Variants in TICAM1 observed in about 807,000 individuals in gnomAD.
The protein encoded by TICAM1 is TIR domain containing adaptor molecule 1.
For missense variants in TICAM1, 895 were observed against 938.2 expected, an observed-to-expected ratio of 0.95 and a Z score of 0.60; for synonymous variants, 439 against 415.4, an observed-to-expected ratio of 1.06 and a Z score of -0.69.
Position 4,817,336 on chromosome 19 carries a change from G to C in TICAM1, c.1042C>G (p.Pro348Ala), listed in dbSNP as rs763009126. ...GGGGTGGTGGGAGTAGGTGGGCACG[G>C]CTTGGTATTTGGAGAGGTGGTATCT... Reference protein sequence around the residue: ...VEDTTSPNTKPCPPTPTTPET... With the variant: ...VEDTTSPNTKACPPTPTTPET... Residue 348 changes from proline (P) to alanine (A), a missense_variant, in exon 2 of 2, where the codon CCG becomes GCG. Pro to Ala is a conservative substitution (Grantham distance 27). Coordinates refer to ENST00000248244, the MANE Select transcript of TICAM1 (RefSeq NM_182919.4). The surrounding 1 kb of genome is among the most constrained non-coding windows in gnomAD (Gnocchi z 4.7). 1.2e-6 allele frequency: 2 copies of C among 1,613,720 alleles called. No individual in the cohort carries two copies. Among genetic ancestry groups the C allele is most frequent in the Non-Finnish European group, 1.7e-6 (2 of 1,180,024 alleles).
intron 1 of TICAM1, among the ~76,000 whole-genome samples, chr19:4,825,470 C>T (rs1383616260): frequency 6.6e-6 from 1 of 152,012 alleles, no homozygotes; most frequent in Non-Finnish European, 1.5e-5. Context: ...ATCCTCCCAC[C>T]TTGGCCTCCC....
Position 4,816,175 on chromosome 19 carries a change from A to G in TICAM1, c.*64T>C. 14 of 1,452,242 alleles carry G rather than the reference A, an allele frequency of 9.6e-6. No homozygotes were observed. Among genetic ancestry groups the G allele is most frequent in the East Asian group, 7.2e-5 (3 of 41,438 alleles). The allele number at this position is 1,452,242 out of a possible 1,614,324, so 90.0% of individuals were successfully genotyped here. ...GGCACAGGGCAGACCGGGGTGCTCT[A>G]TGGGGTCCTGGCCGATGCCTGGGTC... On this transcript the variant is annotated 3_prime_UTR_variant, in exon 2 of 2. Coordinates refer to ENST00000248244, the MANE Select transcript of TICAM1 (RefSeq NM_182919.4). The surrounding 1 kb of genome is among the most constrained non-coding windows in gnomAD (Gnocchi z 4.3).
intron 1 of TICAM1, among the ~76,000 whole-genome samples, chr19:4,821,836 G>A (rs1325403435): frequency 6.6e-6 from 1 of 151,712 alleles, no homozygotes; most frequent in Non-Finnish European, 1.5e-5. Context: ...TAGAGACGGG[G>A]TTTCTCCATG....
At chr19:4,828,118 T>C (rs1336388909) in intron 1 of TICAM1, among the ~76,000 whole-genome samples, 1 of 144,844 alleles carries the variant, frequency 6.9e-6, no homozygotes, top group Non-Finnish European at 1.5e-5. Flanking sequence ...CTTTTTTGTT[T>C]TTTTTATTTT....
intron 1 of TICAM1, among the ~76,000 whole-genome samples, chr19:4,823,098 T>C (rs1019554039): frequency 3.3e-5 from 5 of 152,140 alleles, no homozygotes; most frequent in African/African-American, 9.6e-5. Flanking sequence ...GGTGAGCTGA[T>C]CACTTGAGAT....
chr19:4,822,015 A>G (rs2093598408), intron 1 of TICAM1, among the ~76,000 whole-genome samples: 1 of 151,434 alleles, frequency 6.6e-6, no homozygotes, highest in African/African-American at 2.4e-5. Context: ...AGCTCACCGT[A>G]ACCTCCACCT....
Position 4,818,175 on chromosome 19 carries a change from G to A in TICAM1, c.203C>T (p.Ala68Val), listed in dbSNP as rs769794539. Residue 68 changes from alanine to valine, a missense_variant, in exon 2 of 2, where the codon GCG becomes GTG. By Grantham distance (64) the Ala-to-Val change is moderately conservative (BLOSUM62 0). Transcript: ENST00000248244. The surrounding 1 kb of genome is among the most constrained non-coding windows in gnomAD (Gnocchi z 4.0). ...RISLEALKAD[A>V]VARLVARQWA... ...CTGGCGGGCCACCAGCCGGGCCACC[G>A]CATCGGCCTTCAATGCCTCTAGAGA... is the stretch of plus-strand genomic sequence containing the variant. The A allele has an allele frequency of 3.7e-6, 6 of 1,609,850 alleles. No homozygotes were observed. The South Asian group carries it at 4.4e-5, about 12-fold the overall frequency.
At position 4,817,485 on chromosome 19, in the gene TICAM1, G is replaced by A. The variant is rs1237024981; in HGVS notation, c.893C>T (p.Thr298Ile). 1.2e-6 allele frequency: 2 copies of A among 1,613,968 alleles called. No homozygotes were observed. Among genetic ancestry groups the A allele is most frequent in the Non-Finnish European group, 8.5e-7 (1 of 1,180,010 alleles). Residue 298 changes from threonine (T) to isoleucine (I), a missense_variant, in exon 2 of 2, where the codon ACC becomes ATC. Thr to Ile is a moderately conservative substitution (Grantham distance 89). Coordinates refer to ENST00000248244, the MANE Select transcript of TICAM1 (RefSeq NM_182919.4). This position sits in a 1 kb window ranked among gnomAD's most constrained non-coding sequence, Gnocchi z 4.7. The part of the protein sequence containing the change: ...PDTPAAPETS[T>I]NYPVECTEGS... ...CTCGGTGCACTCCACTGGGTAGTTG[G>A]TGCTGGTTTCTGGAGCTGCGGGGGT...
chr19:4,827,405 A>G (rs1379518807), intron 1 of TICAM1, among the ~76,000 whole-genome samples: 37 of 129,996 alleles, frequency 2.8e-4, no homozygotes, highest in African/African-American at 9.9e-4. Flanking sequence ...AAAAAAAAAG[A>G]AAAAGGCCAG....
chr19:4,817,474 C>G lies in TICAM1; in HGVS notation c.904G>C (p.Val302Leu), dbSNP rs2093588717. 4 of 1,614,068 alleles carry G rather than the reference C, an allele frequency of 2.5e-6. No individual in the cohort carries two copies. The highest frequency in any genetic ancestry group is 1.1e-5 in the South Asian group (1 of 91,076). The part of the protein sequence containing the change: ...AAPETSTNYP[V>L]ECTEGSAGPQ... ...CCTGCAGACCCCTCGGTGCACTCCA[C>G]TGGGTAGTTGGTGCTGGTTTCTGGA... The change falls in exon 2 of 2, where the codon GTG becomes CTG. Residue 302 changes from valine (V) to leucine (L), a missense_variant. Val to Leu is a conservative substitution (Grantham distance 32). Transcript: ENST00000248244. The surrounding 1 kb of genome is among the most constrained non-coding windows in gnomAD (Gnocchi z 4.7).
chr19:4,816,081 GT>G lies in TICAM1; in HGVS notation c.*157del, dbSNP rs2093584196. The G allele has an allele frequency of 1.7e-6, 2 of 1,179,050 alleles. No individual in the cohort carries two copies. Among genetic ancestry groups the G allele is most frequent in the African/African-American group, 3.2e-5 (2 of 63,398 alleles). The allele number at this position is 1,179,050 out of a possible 1,614,324, so 73.0% of individuals were successfully genotyped here. Reference sequence around the variant, plus strand: ...GCCAGGGCATCATCGCGCCCGTTTTGTCCTAAATGAAGGGCTCCCGGACAAT... The same window carrying G: ...GCCAGGGCATCATCGCGCCCGTTTTGCCTAAATGAAGGGCTCCCGGACAAT... On this transcript the variant is annotated 3_prime_UTR_variant, in exon 2 of 2. Coordinates refer to ENST00000248244, the MANE Select transcript of TICAM1 (RefSeq NM_182919.4). The surrounding 1 kb of genome is among the most constrained non-coding windows in gnomAD (Gnocchi z 4.3).
rs1328085331 is a variant in TICAM1, at chr19:4,818,027, G to A, written c.351C>T (p.Ala117=). 1 of 1,610,654 alleles carries A rather than the reference G, an allele frequency of 6.2e-7. No individual in the cohort carries two copies. Among genetic ancestry groups the A allele is most frequent in the South Asian group, 1.1e-5 (1 of 91,074 alleles). The change falls in exon 2 of 2, where the codon GCC becomes GCT. Residue 117 remains alanine, a synonymous_variant. Transcript: ENST00000248244. The surrounding 1 kb of genome is among the most constrained non-coding windows in gnomAD (Gnocchi z 4.0). Reference sequence around the variant, plus strand: ...TGAGGGTGCGGACGGCTTCCTGGTAGGCCACGTCCCGCAGCGAGGCGGGGC... The same window carrying A: ...TGAGGGTGCGGACGGCTTCCTGGTAAGCCACGTCCCGCAGCGAGGCGGGGC... The part of the protein sequence containing the change: ...KLCPASLRDV[A]YQEAVRTLSS...
chr19:4,817,718 C>T lies in TICAM1; in HGVS notation c.660G>A (p.Leu220=), dbSNP rs760759367. 1.3e-6 allele frequency: 2 copies of T among 1,599,504 alleles called. No homozygotes were observed. Among genetic ancestry groups the T allele is most frequent in the East Asian group, 2.2e-5 (1 of 44,822 alleles). Reference sequence around the variant, plus strand: ...TGCTGGGCCCATGTGGGCTGCGGTGCAGGCTGAGGAAGGGCATGGTAGGGG... The same window carrying T: ...TGCTGGGCCCATGTGGGCTGCGGTGTAGGCTGAGGAAGGGCATGGTAGGGG... ...SQSPTMPFLS[L]HRSPHGPSKL... The change falls in exon 2 of 2, where the codon CTG becomes CTA. Residue 220 remains leucine (L), a synonymous_variant. Transcript: ENST00000248244. This position sits in a 1 kb window ranked among gnomAD's most constrained non-coding sequence, Gnocchi z 4.7.
chr19:4,818,317 C>T lies in TICAM1; in HGVS notation c.61G>A (p.Asp21Asn). ...AFDILGAAGQDKLLYLKHKLK... is the reference protein window; with the variant it reads ...AFDILGAAGQNKLLYLKHKLK... ...TTGTGCTTCAGATACAAGAGCTTGTCCTGGCCTGCTGCACCTAGAATGTCG... is the reference window on the plus strand; with the variant it reads ...TTGTGCTTCAGATACAAGAGCTTGTTCTGGCCTGCTGCACCTAGAATGTCG... Residue 21 changes from aspartate to asparagine, a missense_variant, in exon 2 of 2, where the codon GAC (aspartate) becomes AAC (asparagine). Transcript: ENST00000248244. This position sits in a 1 kb window ranked among gnomAD's most constrained non-coding sequence, Gnocchi z 4.0. 1 of 1,612,570 alleles carries T rather than the reference C, an allele frequency of 6.2e-7. No homozygotes were observed. Among genetic ancestry groups the T allele is most frequent in the Non-Finnish European group, 8.5e-7 (1 of 1,179,874 alleles).
In TICAM1 at chr19:4,818,188, A is replaced by G. The variant is rs182370758; in HGVS notation, c.190T>C (p.Leu64=). 16 of 1,612,094 alleles carry G rather than the reference A, an allele frequency of 9.9e-6. No individual in the cohort carries two copies. The East Asian group carries it at 1.6e-4, about 16-fold the overall frequency. The change falls in exon 2 of 2, where the codon TTG becomes CTG. Residue 64 remains leucine, a synonymous_variant. Coordinates refer to ENST00000248244, the MANE Select transcript of TICAM1 (RefSeq NM_182919.4). This position sits in a 1 kb window ranked among gnomAD's most constrained non-coding sequence, Gnocchi z 4.0. ...ETEARISLEA[L]KADAVARLVA... is the part of the protein sequence containing the mutation. Reference sequence around the variant, plus strand: ...AGCCGGGCCACCGCATCGGCCTTCAATGCCTCTAGAGAGATCCTGGCCTCA... The same window carrying G: ...AGCCGGGCCACCGCATCGGCCTTCAGTGCCTCTAGAGAGATCCTGGCCTCA...
chr19:4,827,613 C>A (rs536896831), intron 1 of TICAM1, among the ~76,000 whole-genome samples: 1 of 151,702 alleles, frequency 6.6e-6, no homozygotes, highest in Non-Finnish European at 1.5e-5. Flanking sequence ...AAAAAATTAG[C>A]CAGGTGTGGT....
intron 1 of TICAM1, among the ~76,000 whole-genome samples, chr19:4,821,363 G>A (rs1020500119): frequency 3.3e-5 from 5 of 151,890 alleles, no homozygotes; most frequent in Admixed American, 6.6e-5. Flanking sequence ...TATTACATAC[G>A]ACAATATAAC....
At chr19:4,821,240 G>A (rs545102606) in intron 1 of TICAM1, among the ~76,000 whole-genome samples, 1 of 152,012 alleles carries the variant, frequency 6.6e-6, no homozygotes, top group African/African-American at 2.4e-5. Flanking sequence ...CATGTATTGG[G>A]TACTAGTGAA....
At chr19:4,827,266 G>T (rs1425385108) in intron 1 of TICAM1, among the ~76,000 whole-genome samples, 1 of 149,388 alleles carries the variant, frequency 6.7e-6, no homozygotes, top group South Asian at 2.1e-4. Flanking sequence ...CAGGAGAATC[G>T]CTTGAACCCG....
Sources: allele counts gnomAD v4.1 joint callset (sites outside exome capture counted in the v4.1 genomes callset), GRCh38; gene constraint gnomAD v4.1.1; non-coding constraint Gnocchi (gnomAD v3.1); transcripts MANE v1.5; gene names NCBI Gene and HGNC (gene_info 2026-07-23, HGNC 2026-07-21).